The following VPS28 variants were observed in gnomAD, a reference collection of about 807,000 sequenced individuals.
The protein encoded by VPS28 is vacuolar protein sorting-associated protein 28 homolog.
In VPS28, 29 loss-of-function variants were observed where a neutral mutation model predicts 33.7. The ratio of observed to expected loss-of-function variants is 0.86; its 90% CI spans 0.64 to 1.17. The LOEUF (loss-of-function observed/expected upper bound fraction) is 1.17, where lower values mean the gene tolerates loss of function less well. VPS28 is among the 50% of genes most tolerant of loss of function. The pLI is 0.00. For missense variants in VPS28, 247 were observed against 312.2 expected, an observed-to-expected ratio of 0.79 and a Z score of 1.57; for synonymous variants, 164 against 116.7, an observed-to-expected ratio of 1.40 and a Z score of -2.61.
At chr8:144,427,507 G>A (rs1406408035) in intron 1 of VPS28, among the ~76,000 whole-genome samples, 3 of 152,130 alleles carry the variant, frequency 2.0e-5, no homozygotes, top group Non-Finnish European at 4.4e-5. Flanking sequence ...GTTCAAGCTG[G>A]AGGTTGAGGG....
rs929964723 is a variant in VPS28 at position 144,427,152 on chromosome 8, A to G, written c.-34-173T>C. The G allele has an allele frequency of 1.1e-4, 48 of 454,944 alleles. 2 individuals carry two copies. In the Middle Eastern group the frequency reaches 2.4e-3, roughly 23 times the overall value. 28.2% of individuals were successfully genotyped at this position (454,944 alleles called of 1,614,324 possible). A position where few individuals can be genotyped will look rare whatever the true frequency, so the allele number is the denominator to read the frequency against. On this transcript the variant is annotated intron_variant, in intron 1 of 9. Transcript: ENST00000292510. ...CTGTCTCTACTAAAATTACAAAATT[A>G]GCCGGACGTTGTGGCATACGGTTGT... is the stretch of plus-strand genomic sequence containing the variant.
At position 144,428,511 on chromosome 8, in the gene VPS28, G is replaced by A. The variant is rs1162102950; in HGVS notation, c.-57C>T. 6.6e-6 allele frequency: 1 copy of A among 152,184 alleles called. No homozygotes were observed. The highest frequency in any genetic ancestry group is 6.5e-5 in the Admixed American group (1 of 15,286). The allele number at this position is 152,184 out of a possible 1,614,324, so 9.4% of individuals were successfully genotyped here. On this transcript the variant is annotated 5_prime_UTR_variant, in exon 1 of 10. Coordinates refer to ENST00000292510, the MANE Select transcript of VPS28 (RefSeq NM_016208.4). ...TACCTGGACGGCTCGCGGTCGGGAA[G>A]ATGGCGCCGGGGGCGGGGTGCGCTC... is the stretch of plus-strand genomic sequence containing the variant.
Position 144,426,297 on chromosome 8 carries a change from TGAGGCCTCCCA to T in VPS28, c.38-100_38-90del, listed in dbSNP as rs1268485557. On this transcript the variant is annotated intron_variant, in intron 2 of 9. Coordinates refer to ENST00000292510, the MANE Select transcript of VPS28 (RefSeq NM_016208.4). ...CCCAGTCTCCATTTCAGTTCCTCCC[TGAGGCCTCCCA>T]GGCTGGGTCCCAAAGAGCCCAGAGG... 103 of 1,446,494 alleles carry T rather than the reference TGAGGCCTCCCA, an allele frequency of 7.1e-5. No individual in the cohort carries two copies. In the African/African-American group the frequency reaches 1.4e-3, roughly 19 times the overall value. The allele number at this position is 1,446,494 out of a possible 1,614,324, so 89.6% of individuals were successfully genotyped here. A position where few individuals can be genotyped will look rare whatever the true frequency, so the allele number is the denominator to read the frequency against.
In VPS28 at chr8:144,426,821, C is replaced by G; in HGVS notation, c.37+88G>C. 3 of 1,485,876 alleles carry G rather than the reference C, an allele frequency of 2.0e-6. No homozygotes were observed. The South Asian group carries it at 3.6e-5, about 18-fold the overall frequency. The allele number at this position is 1,485,876 out of a possible 1,614,324, so 92.0% of individuals were successfully genotyped here. A position where few individuals can be genotyped will look rare whatever the true frequency, so the allele number is the denominator to read the frequency against. On this transcript the variant is annotated intron_variant, in intron 2 of 9. Transcript: ENST00000292510. ...GCTGTACGAGAGCAGGGTCAGATAC[C>G]TCCCCACCCCCGATCCCCAATACCC...
chr8:144,425,407 C>T (rs576527426), intron 5 of VPS28: 11 of 572,684 alleles, frequency 1.9e-5, no homozygotes, highest in African/African-American at 1.5e-4. Context: ...GATCCTGGGA[C>T]ATCCCCAAGC....
At chr8:144,426,417 G>A (rs891569865) in intron 2 of VPS28, 8 of 593,624 alleles carry the variant, frequency 1.3e-5, no homozygotes, top group African/African-American at 3.9e-5. Context: ...GCCGGGGGCC[G>A]CATGACAGGC....
In VPS28 at chr8:144,425,179, A is replaced by G. The variant is rs1751231316; in HGVS notation, c.195-128T>C. The G allele has an allele frequency of 6.4e-6, 5 of 783,294 alleles. No individual in the cohort carries two copies. The South Asian group carries it at 8.3e-5, about 13-fold the overall frequency. 48.5% of individuals were successfully genotyped at this position (783,294 alleles called of 1,614,324 possible). ...GGCGACAGGCAAAGGCAGGCCGAGC[A>G]AGGAGGAGGGGCTGCTAGTAGCTTT... On this transcript the variant is annotated intron_variant, in intron 5 of 9. Coordinates refer to ENST00000292510, the MANE Select transcript of VPS28 (RefSeq NM_016208.4).
intron 9 of VPS28, 55 bp downstream of exon 9, chr8:144,423,986 G>A (rs144946102): frequency 5.2e-5 from 83 of 1,609,162 alleles, no homozygotes; most frequent in African/African-American, 3.6e-4. Context: ...GGCTCCGCCT[G>A]GCTGGGAGGG....
rs374952952 is a variant in VPS28, at chr8:144,425,055, G to A, written c.195-4C>T. ...CCGGGAGCAGGCTGCAGTGTACCTA[G>A]GGAGAGGTCAGCTGCTGCCCAAGCA... On this transcript the variant is annotated splice_polypyrimidine_tract_variant and splice_region_variant and intron_variant, in intron 5 of 9. Transcript: ENST00000292510. 16 of 1,551,042 alleles carry A rather than the reference G, an allele frequency of 1.0e-5. No homozygotes were observed. The highest frequency in any genetic ancestry group is 1.3e-5 in the Non-Finnish European group (15 of 1,146,694).
chr8:144,425,124 C>T (rs1822644946), intron 5 of VPS28, 73 bp from the exon 6 acceptor site: 2 of 1,377,992 alleles, frequency 1.5e-6, no homozygotes, highest in Non-Finnish European at 2.0e-6. Flanking sequence ...TCGGCTGGTC[C>T]AGAGGCAAAG....
rs767298157 is a variant in VPS28, at chr8:144,423,654, G to A, written c.*151C>T. The A allele has an allele frequency of 1.7e-5, 17 of 1,017,926 alleles. No homozygotes were observed. The highest frequency in any genetic ancestry group is 1.1e-4 in the South Asian group (7 of 64,912). The allele number at this position is 1,017,926 out of a possible 1,614,324, so 63.1% of individuals were successfully genotyped here. A position where few individuals can be genotyped will look rare whatever the true frequency, so the allele number is the denominator to read the frequency against. ...GCATCTTTATTGTGGGGAGGGGCCC[G>A]GCCCCCAAAGTTCTGACACCAAAGA... On this transcript the variant is annotated 3_prime_UTR_variant, in exon 10 of 10. Transcript: ENST00000292510.
chr8:144,424,170 T>G, intron 8 of VPS28, 38 bp from the exon 9 acceptor site: 1 of 1,558,788 alleles, frequency 6.4e-7, no homozygotes. Flanking sequence ...CGACGCCGGC[T>G]CCATCCCCTC....
chr8:144,423,883 C>T lies in VPS28; in HGVS notation c.588G>A (p.Leu196=). The stretch of plus-strand genomic sequence containing the variant: ...GCATCTGACGCACCTGTGAGTCGTC[C>T]AGCTCATCTGACGCCGACATGCCGC... ...TLSGMSASDE[L]DDSQVRQMLF... is the part of the protein sequence containing the mutation. Residue 196 remains leucine, a synonymous_variant, in exon 10 of 10, where the codon CTG becomes CTA. Transcript: ENST00000292510. The T allele has an allele frequency of 1.2e-6, 2 of 1,613,142 alleles. No homozygotes were observed. Among genetic ancestry groups the T allele is most frequent in the Non-Finnish European group, 1.7e-6 (2 of 1,180,040 alleles).
Position 144,425,700 on chromosome 8 carries a change from G to A in VPS28, c.177C>T (p.Asp59=), listed in dbSNP as rs1586666992. The A allele has an allele frequency of 6.2e-7, 1 of 1,613,878 alleles. No homozygotes were observed. Among genetic ancestry groups the A allele is most frequent in the South Asian group, 1.1e-5 (1 of 91,092 alleles). Residue 59 remains aspartate (D), a synonymous_variant, in exon 5 of 10, where the codon GAC becomes GAT. Transcript: ENST00000292510. ...GCTCTTACTCGCTGGGGGAGACACA[G>A]TCCTTGATGTAGGCCTTCTCCAGGG... ...MQALEKAYIK[D]CVSPSEYTAA...
Position 144,423,797 on chromosome 8 carries a change from C to G in VPS28, c.*8G>C, listed in dbSNP as rs781787964. 9 of 1,612,990 alleles carry G rather than the reference C, an allele frequency of 5.6e-6. No individual in the cohort carries two copies. The African/African-American group carries it at 9.3e-5, about 17-fold the overall frequency. On this transcript the variant is annotated 3_prime_UTR_variant, in exon 10 of 10. Coordinates refer to ENST00000292510, the MANE Select transcript of VPS28 (RefSeq NM_016208.4). ...CTGCCCTTCTGTGCAAGGGCTAGTG[C>G]CCCGGGCTCAGGCATGCAGGAAGCG...
At position 144,424,979 on chromosome 8, in the gene VPS28, G is replaced by C; in HGVS notation, c.267C>G (p.Ile89Met). ...AAFRQVQGSE[I>M]SSIDEFCRKF... ...TGCGGCAGAATTCGTCAATAGAGCT[G>C]ATTTCTGAGCCCTGGACCTGCCTGA... The change falls in exon 6 of 10, where the codon ATC (isoleucine) becomes ATG (methionine). Residue 89 changes from isoleucine (I) to methionine (M), a missense_variant. Physicochemically the swap from Ile to Met is conservative, Grantham distance 10. This residue lies in a region of VPS28 where 149 missense variants were observed against 172.8 expected (regional missense o/e 0.86). Coordinates refer to ENST00000292510, the MANE Select transcript of VPS28 (RefSeq NM_016208.4). 2.6e-6 allele frequency: 4 copies of C among 1,562,774 alleles called. No homozygotes were observed. Among genetic ancestry groups the C allele is most frequent in the Non-Finnish European group, 3.5e-6 (4 of 1,152,574 alleles).
intron 1 of VPS28, among the ~76,000 whole-genome samples, chr8:144,427,576 G>T (rs1312593831): frequency 6.6e-6 from 1 of 152,196 alleles, no homozygotes; most frequent in African/African-American, 2.4e-5. Flanking sequence ...TGGGGCACAG[G>T]AAACAACACA....
intron 5 of VPS28, 137 bp downstream of exon 5, chr8:144,425,546 C>T (rs1822670471): frequency 4.4e-6 from 4 of 901,102 alleles, no homozygotes; most frequent in Non-Finnish European, 5.0e-6. Flanking sequence ...GGCTGAGACC[C>T]AGGGGCACCC....
At position 144,425,726 on chromosome 8, in the gene VPS28, C is replaced by A. The variant is rs2130818817; in HGVS notation, c.151G>T (p.Ala51Ser). The change falls in exon 5 of 10, where the codon GCC becomes TCC. Residue 51 changes from alanine to serine, a missense_variant. Physicochemically the swap from Ala to Ser is moderately conservative, Grantham distance 99. This residue lies in a region of VPS28 where 149 missense variants were observed against 172.8 expected (regional missense o/e 0.86). Coordinates refer to ENST00000292510, the MANE Select transcript of VPS28 (RefSeq NM_016208.4). ...TCCTTGATGTAGGCCTTCTCCAGGG[C>A]TTGCATTGTCTTCACCACCGCAAAC... Reference protein sequence around the residue: ...ELFAVVKTMQALEKAYIKDCV... With the variant: ...ELFAVVKTMQSLEKAYIKDCV... 1 of 1,613,914 alleles carries A rather than the reference C, an allele frequency of 6.2e-7. No homozygotes were observed.
Sources: gnomAD v4.1 joint callset for allele counts (sites outside exome capture counted in the v4.1 genomes callset) on GRCh38, gnomAD v4.1.1 for gene constraint, gnomAD v4.1.1 regional missense constraint, MANE v1.5 for transcripts, NCBI Gene and HGNC (gene_info 2026-07-23, HGNC 2026-07-21) for gene names.